Variants in ERBB4 observed in about 807,000 individuals in gnomAD.
ERBB4 encodes erb-b2 receptor tyrosine kinase 4.
Under a neutral mutation model 158.0 loss-of-function variants are expected in ERBB4, and 42 were observed. That is an observed-to-expected ratio of 0.27 (90% CI 0.21 to 0.34). ERBB4 has a LOEUF of 0.34. Among genes scored for constraint, ERBB4 ranks in the 10% least tolerant of loss-of-function variants. ERBB4 has a pLI of 1.00. For missense variants in ERBB4, 1,333 were observed against 1,624.1 expected (o/e 0.82, Z 3.08); for synonymous variants, 583 against 558.7 (o/e 1.04, Z -0.61).
At chr2:212,373,764 C>CATCCAT (rs1560144832) in intron 1 of ERBB4, among the ~76,000 whole-genome samples, 1 of 98,292 alleles carries the variant, frequency 1.0e-5, no homozygotes, top group African/African-American at 3.5e-5. Flanking sequence ...TATATATCCA[C>CATCCAT]GTATATATCC....
intron 1 of ERBB4, among the ~76,000 whole-genome samples, chr2:212,481,895 C>A (rs1199926315): frequency 6.6e-6 from 1 of 152,178 alleles, no homozygotes. Context: ...TCAGCACCAG[C>A]AAATTACACT....
At chr2:212,087,319 G>A (rs1181773517) in intron 2 of ERBB4, among the ~76,000 whole-genome samples, 1 of 151,896 alleles carries the variant, frequency 6.6e-6, no homozygotes, top group Non-Finnish European at 1.5e-5. Flanking sequence ...AAATATAAAT[G>A]ATTTATACTG....
intron 1 of ERBB4, among the ~76,000 whole-genome samples, chr2:212,346,447 C>A (rs961244305): frequency 6.7e-6 from 1 of 149,474 alleles, no homozygotes; most frequent in Non-Finnish European, 1.5e-5. Flanking sequence ...TTTTCAAAAT[C>A]AATTCACACT....
At chr2:211,893,013 C>T (rs1434726510) in intron 3 of ERBB4, among the ~76,000 whole-genome samples, 1 of 148,026 alleles carries the variant, frequency 6.8e-6, no homozygotes, top group South Asian at 2.1e-4. Flanking sequence ...TCAATGCCAT[C>T]CCCATAAAGC....
chr2:212,190,429 C>T (rs948412706), intron 1 of ERBB4, among the ~76,000 whole-genome samples: 9 of 151,372 alleles, frequency 5.9e-5, no homozygotes, highest in Non-Finnish European at 1.3e-4. Context: ...CCCAGCTACT[C>T]GGGAGGCTGA....
intron 1 of ERBB4, among the ~76,000 whole-genome samples, chr2:212,467,307 C>T (rs1688888735): frequency 1.3e-5 from 2 of 152,182 alleles, no homozygotes; most frequent in Admixed American, 1.3e-4. Flanking sequence ...CAGTGCAAGT[C>T]AGAGACCTCT....
At chr2:211,954,890 C>T (rs1479616035) in intron 2 of ERBB4, among the ~76,000 whole-genome samples, 2 of 152,042 alleles carry the variant, frequency 1.3e-5, no homozygotes, top group Non-Finnish European at 2.9e-5. Flanking sequence ...AATAAAAGTA[C>T]ATTAATAACC....
At chr2:211,514,984 C>A (rs2065985579) in intron 20 of ERBB4, among the ~76,000 whole-genome samples, 1 of 152,010 alleles carries the variant, frequency 6.6e-6, no homozygotes, top group Admixed American at 6.6e-5. Context: ...GAAATATATA[C>A]AATGTACAGT....
intron 1 of ERBB4, among the ~76,000 whole-genome samples, chr2:212,395,890 T>C (rs2091011645): frequency 6.6e-6 from 1 of 152,134 alleles, no homozygotes; most frequent in South Asian, 2.1e-4. Context: ...GTGATGGGAT[T>C]ACAGGTGTGA....
intron 18 of ERBB4, among the ~76,000 whole-genome samples, chr2:211,622,141 G>A (rs550201142): frequency 7.9e-5 from 12 of 152,190 alleles, no homozygotes; most frequent in Non-Finnish European, 1.5e-4. Context: ...CACATAATTC[G>A]TTGATATTTT....
intron 16 of ERBB4, among the ~76,000 whole-genome samples, chr2:211,633,227 T>C (rs537755787): frequency 5.9e-5 from 9 of 152,110 alleles, no homozygotes; most frequent in Non-Finnish European, 1.3e-4. Flanking sequence ...TTTGGAAAAC[T>C]TGAAAGATCT....
chr2:211,727,857 T>A (rs903818604), intron 5 of ERBB4, among the ~76,000 whole-genome samples: 18 of 152,036 alleles, frequency 1.2e-4, no homozygotes, highest in Middle Eastern at 3.2e-3. Context: ...GTCATGTTTT[T>A]TATTTTGTAA....
chr2:211,566,440 G>A (rs1187350993), intron 19 of ERBB4, among the ~76,000 whole-genome samples: 2 of 152,194 alleles, frequency 1.3e-5, no homozygotes, highest in Admixed American at 1.3e-4. Context: ...AATTAGCAGA[G>A]CCAGAAATCT....
intron 1 of ERBB4, among the ~76,000 whole-genome samples, chr2:212,290,901 A>G (rs147246985): frequency 1.3e-5 from 2 of 152,260 alleles, no homozygotes; most frequent in East Asian, 1.9e-4. Context: ...TTAACGGAAC[A>G]AGATTGAAAA....
At chr2:212,106,484 T>C (rs1282763600) in intron 2 of ERBB4, among the ~76,000 whole-genome samples, 1 of 152,230 alleles carries the variant, frequency 6.6e-6, no homozygotes, top group African/African-American at 2.4e-5. Context: ...GTTAAAAGCA[T>C]TTAGCTTTAA....
intron 1 of ERBB4, among the ~76,000 whole-genome samples, chr2:212,170,936 C>G (rs145491155): frequency 1.3e-5 from 2 of 152,120 alleles, no homozygotes; most frequent in Non-Finnish European, 2.9e-5. Flanking sequence ...CACCAGGGCA[C>G]TGCCTAGTGG....
At chr2:212,522,976 C>T (rs1206372704) in intron 1 of ERBB4, among the ~76,000 whole-genome samples, 3 of 151,814 alleles carry the variant, frequency 2.0e-5, no homozygotes, top group Non-Finnish European at 2.9e-5. Flanking sequence ...TAAAACAGAA[C>T]GTAGGCATCA....
chr2:211,787,037 A>G (rs2076181660), intron 4 of ERBB4, among the ~76,000 whole-genome samples: 1 of 152,220 alleles, frequency 6.6e-6, no homozygotes, highest in African/African-American at 2.4e-5. Context: ...TTTTGATCAA[A>G]TACATTCATA....
At chr2:212,051,698 C>T (rs2077404429) in intron 2 of ERBB4, among the ~76,000 whole-genome samples, 1 of 152,148 alleles carries the variant, frequency 6.6e-6, no homozygotes, top group Admixed American at 6.5e-5. Context: ...ACTTTCTCCT[C>T]AGTTCTTGAC....
Sources: allele counts gnomAD v4.1 joint callset (sites outside exome capture counted in the v4.1 genomes callset), GRCh38; gene constraint gnomAD v4.1.1; transcripts MANE v1.5; gene names NCBI Gene and HGNC (gene_info 2026-07-23, HGNC 2026-07-21).